Variants in PARP14 observed in about 807,000 individuals in gnomAD.
PARP14 encodes protein mono-ADP-ribosyltransferase PARP14.
Under a neutral mutation model 154.2 loss-of-function variants are expected in PARP14, and 59 were observed. The observed-to-expected ratio is 0.38, with a 90% CI of 0.31 to 0.48. The LOEUF (loss-of-function observed/expected upper bound fraction) is 0.48. Ranked by LOEUF, PARP14 falls within the 20% of genes least tolerant of loss-of-function variation. The probability of loss-of-function intolerance (pLI) is 0.98; values close to 1 mark genes in which losing one functional copy is unlikely to be tolerated. For missense variants in PARP14, 1,734 were observed against 2,131.6 expected (o/e 0.81, Z 3.67); for synonymous variants, 720 against 780.5 (o/e 0.92, Z 1.29).
intron 4 of PARP14, among the ~76,000 whole-genome samples, chr3:122,693,347 A>G (rs1032450881): frequency 3.3e-5 from 5 of 152,320 alleles, no homozygotes; most frequent in Admixed American, 3.3e-4. Flanking sequence ...AGCCTTCACT[A>G]TTCCATGGCC....
rs375441568 is a variant in PARP14 at position 122,701,213 on chromosome 3, G to A, written c.2659G>A (p.Gly887Arg). ...VIHAVGPRWSGYEAPRCVYLL... is the reference protein window; with the variant it reads ...VIHAVGPRWSRYEAPRCVYLL... ...CCATGCAGTGGGGCCCCGCTGGAGC[G>A]GATATGAGGCCCCGAGGTGTGTGTA... is the stretch of plus-strand genomic sequence containing the variant. Residue 887 changes from glycine to arginine, a missense_variant, in exon 6 of 17, where the codon GGA becomes AGA. Physicochemically the swap from Gly to Arg is moderately radical, Grantham distance 125 (BLOSUM62 -2). Transcript: ENST00000474629. The surrounding 1 kb of genome is among the most constrained non-coding windows in gnomAD (Gnocchi z 4.0). 8.7e-6 allele frequency: 14 copies of A among 1,613,368 alleles called. No homozygotes were observed. The highest frequency in any genetic ancestry group is 4.5e-5 in the East Asian group (2 of 44,884).
intron 12 of PARP14, among the ~76,000 whole-genome samples, chr3:122,716,903 G>A (rs2063515): frequency 0.2 from 30,093 of 152,042 alleles, 3,084 homozygotes; most frequent in Middle Eastern, 0.26. Flanking sequence ...GTTCATCCCC[G>A]CATATCACAT....
intron 12 of PARP14, among the ~76,000 whole-genome samples, chr3:122,715,595 C>CATCTATCTATCT (rs56863397): frequency 0.01 from 1,459 of 142,576 alleles, 10 homozygotes; most frequent in East Asian, 0.012. Context: ...CTCTACCAGT[C>CATCTATCTATCT]ATCTATCTAT....
At chr3:122,728,090 C>A in intron 16 of PARP14, 104 bp downstream of exon 16, 1 of 1,091,576 alleles carries the variant, frequency 9.2e-7, no homozygotes, top group Non-Finnish European at 1.3e-6. Context: ...TCATTGGTGG[C>A]CATGTTGCAG....
intron 15 of PARP14, chr3:122,720,968 A>C (rs1007303305): frequency 9.0e-6 from 3 of 333,130 alleles, no homozygotes; most frequent in African/African-American, 4.5e-5. Context: ...TTATTTTGGC[A>C]TCTTCTTCCA....
chr3:122,706,226 C>T (rs1220867631), intron 8 of PARP14, among the ~76,000 whole-genome samples: 4 of 152,074 alleles, frequency 2.6e-5, no homozygotes. Context: ...ATACAGATGC[C>T]TTTAGTACCA....
chr3:122,720,470 C>A, intron 15 of PARP14, 82 bp downstream of exon 15: 1 of 1,284,424 alleles, frequency 7.8e-7, no homozygotes, highest in South Asian at 1.3e-5. Flanking sequence ...TTTTCATTCA[C>A]TTCCTATCAC....
chr3:122,701,800 CT>C lies in PARP14; in HGVS notation c.3081+167del, dbSNP rs1463782882. ...AAACAATTTTCCTTAGATAATTGGGCTTCTTACCAAATCATTTACTAATAGA... is the reference window on the plus strand; with the variant it reads ...AAACAATTTTCCTTAGATAATTGGGCTCTTACCAAATCATTTACTAATAGA... On this transcript the variant is annotated intron_variant, in intron 6 of 16. Coordinates refer to ENST00000474629, the MANE Select transcript of PARP14 (RefSeq NM_017554.3). The surrounding 1 kb of genome is among the most constrained non-coding windows in gnomAD (Gnocchi z 4.0). 6.6e-6 allele frequency among the ~76,000 whole-genome samples: 1 copy of C among 152,182 alleles called. No homozygotes were observed. The highest frequency in any genetic ancestry group is 2.4e-5 in the African/African-American group (1 of 41,442).
At position 122,699,407 on chromosome 3, in the gene PARP14, G is replaced by A; in HGVS notation, c.853G>A (p.Ala285Thr). 1.2e-6 allele frequency: 2 copies of A among 1,607,528 alleles called. No individual in the cohort carries two copies. The highest frequency in any genetic ancestry group is 1.7e-6 in the Non-Finnish European group (2 of 1,175,822). ...FDRKVLDTIM[A>T]TKLDFNKMPL... ...CTTTTAAGTGTTAGACACCATCATG[G>A]CCACAAAACTCGACTTCAATAAAAT... Residue 285 changes from alanine to threonine, a missense_variant, in exon 6 of 17, where the codon GCC (alanine) becomes ACC (threonine). By Grantham distance (58) the Ala-to-Thr change is moderately conservative. Around this residue, in one of 2 missense-constraint regions of PARP14, gnomAD observed 1,646 missense variants for 1,976.0 expected, o/e 0.83. Coordinates refer to ENST00000474629, the MANE Select transcript of PARP14 (RefSeq NM_017554.3).
intron 8 of PARP14, among the ~76,000 whole-genome samples, chr3:122,707,986 G>C (rs1939213287): frequency 6.6e-6 from 1 of 152,144 alleles, no homozygotes; most frequent in African/African-American, 2.4e-5. Context: ...CCACATCGTT[G>C]ATATTTTCAT....
intron 3 of PARP14, among the ~76,000 whole-genome samples, chr3:122,688,537 C>T (rs1184853853): frequency 6.6e-6 from 1 of 152,072 alleles, no homozygotes; most frequent in East Asian, 1.9e-4. Flanking sequence ...TTTGGGTTGT[C>T]TACACCAGAT....
chr3:122,682,817 C>T (rs1441402754), intron 1 of PARP14, among the ~76,000 whole-genome samples: 1 of 152,084 alleles, frequency 6.6e-6, no homozygotes, highest in Non-Finnish European at 1.5e-5. Flanking sequence ...CTTTGGGAGG[C>T]TGAGGCAGGT....
At position 122,708,181 on chromosome 3, in the gene PARP14, A is replaced by G; in HGVS notation, c.3541-9A>G. On this transcript the variant is annotated splice_polypyrimidine_tract_variant and intron_variant, in intron 8 of 16. Coordinates refer to ENST00000474629, the MANE Select transcript of PARP14 (RefSeq NM_017554.3). Reference sequence around the variant, plus strand: ...GAGTGTAATGATCAACGCTGTGTTTATATTTCAGGCATTTTCAGATGAATT... The same window carrying G: ...GAGTGTAATGATCAACGCTGTGTTTGTATTTCAGGCATTTTCAGATGAATT... 2 of 1,495,542 alleles carry G rather than the reference A, an allele frequency of 1.3e-6. No individual in the cohort carries two copies. The highest frequency in any genetic ancestry group is 1.8e-6 in the Non-Finnish European group (2 of 1,091,368). The allele number at this position is 1,495,542 out of a possible 1,614,324, so 92.6% of individuals were successfully genotyped here.
At chr3:122,720,204 C>T in intron 14 of PARP14, 51 bp from the exon 15 acceptor site, 1 of 1,567,812 alleles carries the variant, frequency 6.4e-7, no homozygotes, top group East Asian at 2.3e-5. Context: ...ACTAAATGTT[C>T]CAGAGTGTAC....
At position 122,700,275 on chromosome 3, in the gene PARP14, C is replaced by G; in HGVS notation, c.1721C>G (p.Thr574Ser). ...ILALYELEGT[T>S]VLLTSCSSEA... The stretch of plus-strand genomic sequence containing the variant: ...GCACTTTATGAGCTAGAGGGTACAA[C>G]TGTTCTCTTAACCAGCTGTTCTTCT... Residue 574 changes from threonine to serine, a missense_variant, in exon 6 of 17, where the codon ACT becomes AGT. This residue lies in a region of PARP14 where 1,646 missense variants were observed against 1,976.0 expected (regional missense o/e 0.83). Coordinates refer to ENST00000474629, the MANE Select transcript of PARP14 (RefSeq NM_017554.3). 1 of 1,613,134 alleles carries G rather than the reference C, an allele frequency of 6.2e-7. No homozygotes were observed. Among genetic ancestry groups the G allele is most frequent in the Non-Finnish European group, 8.5e-7 (1 of 1,179,420 alleles).
Position 122,699,560 on chromosome 3 carries a change from A to T in PARP14, c.1006A>T (p.Lys336Ter). 2 of 1,614,004 alleles carry T rather than the reference A, an allele frequency of 1.2e-6. No individual in the cohort carries two copies. The highest frequency in any genetic ancestry group is 1.7e-6 in the Non-Finnish European group (2 of 1,179,878). Residue 336 changes from lysine (K) to a stop codon, truncating the protein, a stop_gained, in exon 6 of 17, where the codon AAA becomes TAA. Transcript: ENST00000474629. LOFTEE classifies it high-confidence loss of function. ...TCTTCCCTTATGGAAGTTCTTACAG[A>T]AAAAGAATCACCTCATTGAGGAGAT... Reference protein sequence around the residue: ...LDLPLWKFLQKKNHLIEEIND... With the variant: ...LDLPLWKFLQ
chr3:122,724,517 C>T (rs1933239959), intron 15 of PARP14, among the ~76,000 whole-genome samples: 1 of 121,958 alleles, frequency 8.2e-6, no homozygotes, highest in African/African-American at 3.2e-5. Context: ...AGGCTGGTTT[C>T]AAACTTTTGA....
chr3:122,715,228 C>A (rs1932959397), intron 12 of PARP14, among the ~76,000 whole-genome samples: 1 of 152,086 alleles, frequency 6.6e-6, no homozygotes, highest in Non-Finnish European at 1.5e-5. Context: ...GGGAGGCATG[C>A]ATTCTTAGGC....
chr3:122,690,761 C>T (rs1938515366), intron 3 of PARP14, among the ~76,000 whole-genome samples: 1 of 152,204 alleles, frequency 6.6e-6, no homozygotes, highest in Non-Finnish European at 1.5e-5. Flanking sequence ...ATCCGCCTGC[C>T]TCGTTCTCCC....
Sources: allele counts gnomAD v4.1 joint callset (sites outside exome capture counted in the v4.1 genomes callset), GRCh38; gene constraint gnomAD v4.1.1; regional missense constraint gnomAD v4.1.1; non-coding constraint Gnocchi (gnomAD v3.1); transcripts MANE v1.5; gene names NCBI Gene and HGNC (gene_info 2026-07-23, HGNC 2026-07-21).